The following PHACTR1 variants were observed in gnomAD, a reference collection of about 807,000 sequenced individuals.
PHACTR1 encodes the protein RPEL repeat containing 1.
In PHACTR1, 16 loss-of-function variants were observed where a neutral mutation model predicts 69.2. The observed-to-expected ratio is 0.23, with a 90% CI of 0.16 to 0.35. PHACTR1 has a LOEUF of 0.35. Ranked by LOEUF, PHACTR1 falls within the 10% of genes least tolerant of loss-of-function variation. PHACTR1 has a pLI of 1.00. For synonymous variants in PHACTR1, 312 were observed against 284.5 expected (o/e 1.10, Z -0.97); for missense variants, 510 against 734.7 (o/e 0.69, Z 3.54).
chr6:13,192,821 G>A (rs1279437213), intron 7 of PHACTR1, among the ~76,000 whole-genome samples: 2 of 152,170 alleles, frequency 1.3e-5, no homozygotes, highest in Non-Finnish European at 2.9e-5. Flanking sequence ...CTGAACAGGA[G>A]GCTTTGTGAG....
At chr6:13,193,272 C>T (rs1157489712) in intron 7 of PHACTR1, among the ~76,000 whole-genome samples, 3 of 149,174 alleles carry the variant, frequency 2.0e-5, no homozygotes, top group African/African-American at 7.4e-5. Flanking sequence ...CTGCAGCCAT[C>T]CTTGTTTTTC....
chr6:12,877,332 T>C (rs2127449392), intron 4 of PHACTR1, among the ~76,000 whole-genome samples: 1 of 152,278 alleles, frequency 6.6e-6, no homozygotes, highest in Non-Finnish European at 1.5e-5. Context: ...GCCATTGCCT[T>C]CTGAAGGTCA....
intron 4 of PHACTR1, among the ~76,000 whole-genome samples, chr6:13,038,234 T>A (rs1179905186): frequency 6.6e-6 from 1 of 152,104 alleles, no homozygotes; most frequent in African/African-American, 2.4e-5. Flanking sequence ...AAAACTTGGC[T>A]GGTGTTACAC....
intron 4 of PHACTR1, among the ~76,000 whole-genome samples, chr6:12,849,940 G>A (rs1159006423): frequency 6.6e-6 from 1 of 152,090 alleles, no homozygotes; most frequent in Non-Finnish European, 1.5e-5. Context: ...AATTAGGTGA[G>A]TCATACACTG....
At chr6:13,218,519 G>T (rs1768021860) in intron 8 of PHACTR1, among the ~76,000 whole-genome samples, 1 of 152,122 alleles carries the variant, frequency 6.6e-6, no homozygotes, top group South Asian at 2.1e-4. Context: ...TTGAAGTCTA[G>T]AGATCCCTTA....
At position 13,064,656 on chromosome 6, in the gene PHACTR1, G is replaced by C. The variant is rs572318741; in HGVS notation, c.415+11127G>C. On this transcript the variant is annotated intron_variant, in intron 5 of 14. Coordinates refer to ENST00000332995, the MANE Select transcript of PHACTR1 (RefSeq NM_030948.6). ...CCAGACTATGGAGGATTCACCACCA[G>C]ACCGGGAAGCAACAGCCTGGGCTCC... is the stretch of plus-strand genomic sequence containing the variant. Among the ~76,000 whole-genome samples, 8 of 127,898 alleles carry C rather than the reference G, an allele frequency of 6.3e-5. No homozygotes were observed. The South Asian group carries it at 2.2e-3, about 35-fold the overall frequency. The allele number at this position is 127,898 out of a possible 152,430, so 83.9% of individuals were successfully genotyped here.
chr6:13,252,709 G>A (rs932410323), intron 10 of PHACTR1, among the ~76,000 whole-genome samples: 8 of 152,140 alleles, frequency 5.3e-5, no homozygotes, highest in Admixed American at 2.6e-4. Flanking sequence ...AGTATCGGCC[G>A]CAGGAAAACA....
chr6:13,186,507 C>G (rs1360330691), intron 7 of PHACTR1, among the ~76,000 whole-genome samples: 1 of 152,202 alleles, frequency 6.6e-6, no homozygotes, highest in Non-Finnish European at 1.5e-5. Context: ...TCTGAGTTTT[C>G]TCTAATTTAT....
chr6:13,084,524 T>TA (rs1040366685), intron 5 of PHACTR1, among the ~76,000 whole-genome samples: 1 of 148,412 alleles, frequency 6.7e-6, no homozygotes, highest in South Asian at 2.1e-4. Context: ...AAAGTATAAT[T>TA]AAAAAAAAGA....
At chr6:12,899,245 T>A (rs1336391923) in intron 4 of PHACTR1, among the ~76,000 whole-genome samples, 1 of 152,156 alleles carries the variant, frequency 6.6e-6, no homozygotes, top group Non-Finnish European at 1.5e-5. Context: ...ATGCCTGACA[T>A]ACAGTAAGGG....
chr6:13,095,845 T>C (rs1814147877), intron 5 of PHACTR1, among the ~76,000 whole-genome samples: 1 of 139,612 alleles, frequency 7.2e-6, no homozygotes, highest in African/African-American at 2.6e-5. Flanking sequence ...TTTTGACCCA[T>C]TGGCTTATCA....
intron 4 of PHACTR1, among the ~76,000 whole-genome samples, chr6:12,778,187 G>A (rs1770340179): frequency 6.6e-6 from 1 of 152,196 alleles, no homozygotes; most frequent in Non-Finnish European, 1.5e-5. Flanking sequence ...TGTTAAGCAT[G>A]TACATATACA....
rs189645442 is a variant in PHACTR1 at position 12,890,464 on chromosome 6, A to G, written c.250+140674A>G. 7.5e-3 allele frequency among the ~76,000 whole-genome samples: 1,137 copies of G among 152,072 alleles called. 13 individuals are homozygous for G. The highest frequency in any genetic ancestry group is 0.026 in the African/African-American group (1,088 of 41,470). ...TTCCACTTCACTCAGAGAAAAGCCA[A>G]CCCGCCCCCATTATGTGCAGGTCAT... On this transcript the variant is annotated intron_variant, in intron 4 of 14. Transcript: ENST00000332995.
chr6:13,138,237 GC>G (rs1821860940), intron 5 of PHACTR1, among the ~76,000 whole-genome samples: 1 of 152,132 alleles, frequency 6.6e-6, no homozygotes, highest in Non-Finnish European at 1.5e-5. Flanking sequence ...GAAGATGGGG[GC>G]TTAATACTTC....
intron 7 of PHACTR1, among the ~76,000 whole-genome samples, chr6:13,203,113 G>A (rs904765224): frequency 6.6e-6 from 1 of 152,230 alleles, no homozygotes; most frequent in Non-Finnish European, 1.5e-5. Context: ...TCCTAAAATT[G>A]TAATCTGTTT....
intron 4 of PHACTR1, among the ~76,000 whole-genome samples, chr6:13,005,139 C>A (rs577556240): frequency 6.6e-6 from 1 of 151,858 alleles, no homozygotes. Context: ...TCTTTCCCTG[C>A]AAACTCATTG....
At chr6:12,824,872 T>G (rs1776622583) in intron 4 of PHACTR1, among the ~76,000 whole-genome samples, 1 of 152,200 alleles carries the variant, frequency 6.6e-6, no homozygotes, top group African/African-American at 2.4e-5. Context: ...TGAAAGGGGC[T>G]CTATCCTGGC....
At chr6:13,121,671 G>T (rs1295144028) in intron 5 of PHACTR1, among the ~76,000 whole-genome samples, 1 of 152,172 alleles carries the variant, frequency 6.6e-6, no homozygotes, top group Non-Finnish European at 1.5e-5. Context: ...ATCTGACATG[G>T]TTTCCAGCAA....
intron 3 of PHACTR1, among the ~76,000 whole-genome samples, chr6:12,724,929 T>C (rs1762593409): frequency 1.3e-5 from 2 of 152,212 alleles, no homozygotes; most frequent in Admixed American, 6.5e-5. Flanking sequence ...TGACTCCTGC[T>C]AATGATTTCC....
Sources: allele counts gnomAD v4.1 joint callset (sites outside exome capture counted in the v4.1 genomes callset), GRCh38; gene constraint gnomAD v4.1.1; transcripts MANE v1.5; gene names NCBI Gene and HGNC (gene_info 2026-07-23, HGNC 2026-07-21).